SLC24A3: variants seen among roughly 807,000 people sequenced by gnomAD.
The protein encoded by SLC24A3 is solute carrier family 24 member 3.
SLC24A3 carries 28 observed loss-of-function variants against 75.8 expected under a neutral mutation model. The observed-to-expected ratio is 0.37, with a 90% CI of 0.27 to 0.51. SLC24A3 has a LOEUF of 0.51. Among genes scored for constraint, SLC24A3 ranks in the 20% least tolerant of loss-of-function variants. The pLI is 0.94. For synonymous variants in SLC24A3, 372 were observed against 334.1 expected (o/e 1.11, Z -1.24); for missense variants, 663 against 847.8 (o/e 0.78, Z 2.71).
At chr20:19,703,671 G>A (rs1386205668) in intron 15 of SLC24A3, among the ~76,000 whole-genome samples, 2 of 152,210 alleles carry the variant, frequency 1.3e-5, no homozygotes, top group Non-Finnish European at 2.9e-5. Flanking sequence ...ATCAAAAATA[G>A]TTAAGGAACT....
chr20:19,218,324 C>T (rs1462563803), intron 1 of SLC24A3, among the ~76,000 whole-genome samples: 1 of 152,174 alleles, frequency 6.6e-6, no homozygotes, highest in Middle Eastern at 3.2e-3. Context: ...ACCCATTTCT[C>T]ATGGGATAGC....
chr20:19,258,567 G>A (rs1338081889), intron 1 of SLC24A3, among the ~76,000 whole-genome samples: 1 of 152,096 alleles, frequency 6.6e-6, no homozygotes, highest in Non-Finnish European at 1.5e-5. Context: ...GCTGGTTGTG[G>A]TGCACGTGCC....
At chr20:19,494,903 T>C (rs988467826) in intron 2 of SLC24A3, among the ~76,000 whole-genome samples, 3 of 152,184 alleles carry the variant, frequency 2.0e-5, no homozygotes, top group Non-Finnish European at 4.4e-5. Flanking sequence ...ACAGAGATTC[T>C]TGTGCAAGTC....
intron 2 of SLC24A3, among the ~76,000 whole-genome samples, chr20:19,343,208 G>A (rs956301459): frequency 6.6e-6 from 1 of 152,072 alleles, no homozygotes; most frequent in Admixed American, 6.6e-5. Flanking sequence ...GTTCCAGCTG[G>A]ACCACATTCA....
chr20:19,270,319 C>G (rs1983289574), intron 1 of SLC24A3, among the ~76,000 whole-genome samples: 1 of 152,120 alleles, frequency 6.6e-6, no homozygotes, highest in South Asian at 2.1e-4. Context: ...CCTCCTTACT[C>G]AAAGTGTACA....
At chr20:19,326,982 C>T (rs1212559240) in intron 2 of SLC24A3, among the ~76,000 whole-genome samples, 1 of 152,186 alleles carries the variant, frequency 6.6e-6, no homozygotes, top group East Asian at 1.9e-4. Flanking sequence ...GAAGACTTTG[C>T]TCTGGGAAAG....
intron 3 of SLC24A3, among the ~76,000 whole-genome samples, chr20:19,545,704 A>T (rs1024997509): frequency 1.3e-5 from 2 of 152,216 alleles, no homozygotes; most frequent in Non-Finnish European, 2.9e-5. Context: ...CTGGGACAAA[A>T]TGCAATGACT....
At chr20:19,546,997 G>T (rs901658071) in intron 3 of SLC24A3, among the ~76,000 whole-genome samples, 2 of 152,216 alleles carry the variant, frequency 1.3e-5, no homozygotes, top group African/African-American at 4.8e-5. Flanking sequence ...TCAGCTGAGA[G>T]GTCCCGCTCT....
chr20:19,326,083 G>A (rs1184098453), intron 2 of SLC24A3, among the ~76,000 whole-genome samples: 1 of 151,976 alleles, frequency 6.6e-6, no homozygotes, highest in East Asian at 1.9e-4. Context: ...TTTAGGATTA[G>A]GGATGTTGAA....
At chr20:19,719,464 T>A (rs1234863899) in intron 16 of SLC24A3, among the ~76,000 whole-genome samples, 2 of 150,634 alleles carry the variant, frequency 1.3e-5, no homozygotes, top group Non-Finnish European at 3.0e-5. Flanking sequence ...GCATGCAGGG[T>A]GGAGTTGACC....
At chr20:19,628,535 C>G (rs1275120027) in intron 6 of SLC24A3, among the ~76,000 whole-genome samples, 1 of 152,158 alleles carries the variant, frequency 6.6e-6, no homozygotes, top group Non-Finnish European at 1.5e-5. Context: ...GCTTCTCCTT[C>G]AGGAGGAAAA....
At chr20:19,549,779 G>C (rs1397210740) in intron 3 of SLC24A3, among the ~76,000 whole-genome samples, 1 of 152,128 alleles carries the variant, frequency 6.6e-6, no homozygotes, top group African/African-American at 2.4e-5. Flanking sequence ...GCAAGACTTT[G>C]TCTCAAAAAC....
intron 2 of SLC24A3, among the ~76,000 whole-genome samples, chr20:19,453,729 C>G (rs1019883249): frequency 1.3e-5 from 2 of 152,224 alleles, no homozygotes; most frequent in Non-Finnish European, 2.9e-5. Flanking sequence ...GCCCACCCCA[C>G]CTTTCCTTTC....
chr20:19,704,041 G>C (rs772669731), intron 15 of SLC24A3, among the ~76,000 whole-genome samples: 1 of 152,226 alleles, frequency 6.6e-6, no homozygotes, highest in Non-Finnish European at 1.5e-5. Context: ...CCCTGGAGAA[G>C]TGACCTCCCT....
intron 3 of SLC24A3, among the ~76,000 whole-genome samples, chr20:19,547,979 T>C (rs2030628747): frequency 6.6e-6 from 1 of 152,232 alleles, no homozygotes; most frequent in Non-Finnish European, 1.5e-5. Flanking sequence ...AGATCAAAAA[T>C]GCCCAGACAA....
chr20:19,626,254 T>C (rs982006596), intron 6 of SLC24A3, among the ~76,000 whole-genome samples: 11 of 152,198 alleles, frequency 7.2e-5, no homozygotes, highest in African/African-American at 2.7e-4. Context: ...AAATGCATTA[T>C]TACTTCCATG....
intron 2 of SLC24A3, among the ~76,000 whole-genome samples, chr20:19,452,057 G>A (rs189754469): frequency 1.4e-3 from 210 of 152,292 alleles, no homozygotes; most frequent in Admixed American, 3.9e-3. Flanking sequence ...ATTACAGCGC[G>A]AGAACATAAT....
chr20:19,615,654 C>T (rs2031727053), intron 6 of SLC24A3, among the ~76,000 whole-genome samples: 1 of 152,234 alleles, frequency 6.6e-6, no homozygotes, highest in Non-Finnish European at 1.5e-5. Flanking sequence ...ATGTTCCAAT[C>T]AGCTACCAGC....
chr20:19,252,646 G>T (rs892466710), intron 1 of SLC24A3, among the ~76,000 whole-genome samples: 7 of 148,990 alleles, frequency 4.7e-5, no homozygotes, highest in South Asian at 2.1e-4. Flanking sequence ...GGAATGGCGG[G>T]GGGGGGTGCC....
Sources: allele counts gnomAD v4.1 joint callset (sites outside exome capture counted in the v4.1 genomes callset), GRCh38; gene constraint gnomAD v4.1.1; transcripts MANE v1.5; gene names NCBI Gene and HGNC (gene_info 2026-07-23, HGNC 2026-07-21).